BANP: variants seen among roughly 807,000 people sequenced by gnomAD.
The protein encoded by BANP is protein BANP.
In BANP, 11 loss-of-function variants were observed where a neutral mutation model predicts 68.1. That is an observed-to-expected ratio of 0.16 (90% CI 0.10 to 0.27). BANP has a LOEUF of 0.27. BANP is among the 10% of genes least tolerant of loss of function. BANP has a pLI of 1.00. For synonymous variants in BANP, 329 were observed against 303.2 expected (o/e 1.09, Z -0.88); for missense variants, 504 against 722.7 (o/e 0.70, Z 3.47).
At chr16:87,953,578 A>T (rs114251137) in intron 1 of BANP, among the ~76,000 whole-genome samples, 1 of 151,802 alleles carries the variant, frequency 6.6e-6, no homozygotes, top group African/African-American at 2.4e-5. Context: ...TCATATCCCA[A>T]CTCTTCTATC....
At chr16:87,968,141 T>G (rs1481857923) in intron 1 of BANP, among the ~76,000 whole-genome samples, 1 of 152,000 alleles carries the variant, frequency 6.6e-6, no homozygotes, top group Non-Finnish European at 1.5e-5. Flanking sequence ...AATGCACCAA[T>G]GCCAAGGTTG....
In BANP at chr16:88,039,423, C is replaced by T. The variant is rs62046862; in HGVS notation, c.1311+1412C>T. On this transcript the variant is annotated intron_variant, in intron 11 of 13. Transcript: ENST00000682872. ...GGGCTCATAGCTGGCGGTCCGTCTT[C>T]GTTTTCTGCAACATAGTGGTTTATG... Among the ~76,000 whole-genome samples the T allele has an allele frequency of 2.9e-5, 4 of 136,746 alleles. 1 individual carries two copies. The highest frequency in any genetic ancestry group is 4.1e-4 in the East Asian group (2 of 4,908). The allele number at this position is 136,746 out of a possible 152,430, so 89.7% of individuals were successfully genotyped here. A position where few individuals can be genotyped will look rare whatever the true frequency, so the allele number is the denominator to read the frequency against.
intron 11 of BANP, among the ~76,000 whole-genome samples, chr16:88,054,978 C>G (rs1360780633): frequency 6.6e-6 from 1 of 152,112 alleles, no homozygotes; most frequent in Non-Finnish European, 1.5e-5. Flanking sequence ...AGTTCTTTCA[C>G]TATATTTGGA....
intron 4 of BANP, among the ~76,000 whole-genome samples, chr16:87,985,987 C>T (rs1407775056): frequency 6.6e-6 from 1 of 152,170 alleles, no homozygotes; most frequent in Non-Finnish European, 1.5e-5. Flanking sequence ...ATGTTTTCCA[C>T]TCATGAAGCT....
chr16:87,989,124 C>T (rs564552780), intron 4 of BANP, among the ~76,000 whole-genome samples: 1 of 152,166 alleles, frequency 6.6e-6, no homozygotes, highest in East Asian at 1.9e-4. Flanking sequence ...AAAAGAAAGC[C>T]CCTCTTATTT....
intron 6 of BANP, among the ~76,000 whole-genome samples, chr16:88,006,947 C>CAA (rs11349895): frequency 3.1e-3 from 253 of 81,288 alleles, no homozygotes; most frequent in African/African-American, 4.7e-3. Flanking sequence ...GACTCTGTCT[C>CAA]AAAAAAAAAA....
intron 9 of BANP, 175 bp from the exon 10 acceptor site, chr16:88,035,148 T>G: frequency 1.5e-6 from 1 of 664,234 alleles, no homozygotes. Context: ...GGGACTACTG[T>G]GAACCAAAAG....
intron 12 of BANP, among the ~76,000 whole-genome samples, chr16:88,069,733 C>T (rs147489130): frequency 1.2e-3 from 189 of 152,362 alleles, no homozygotes; most frequent in African/African-American, 4.0e-3. Context: ...CACTTCACAA[C>T]GCTCTGCTCC....
At chr16:88,010,653 A>G (rs190743000) in intron 6 of BANP, among the ~76,000 whole-genome samples, 2 of 152,380 alleles carry the variant, frequency 1.3e-5, no homozygotes, top group South Asian at 2.1e-4. Flanking sequence ...AGTCCACACA[A>G]TGTTAGCCGT....
chr16:87,951,670 C>CCCCCGGG (rs1192290771), intron 1 of BANP, among the ~76,000 whole-genome samples, 155 bp downstream of exon 1: 2 of 148,394 alleles, frequency 1.3e-5, no homozygotes, highest in Non-Finnish European at 3.0e-5. Context: ...GGGCGATCGC[C>CCCCCGGG]CCCCGGGCCC....
chr16:88,033,253 C>A lies in BANP; in HGVS notation c.1200+8C>A. On this transcript the variant is annotated splice_region_variant and intron_variant, in intron 9 of 13. Transcript: ENST00000682872. ...GACGGACAGGTGCAAGTAGTACGTA[C>A]CCTCTCCACCTCACACCTTGGGAAA... The A allele has an allele frequency of 6.4e-7, 1 of 1,572,106 alleles. No individual in the cohort carries two copies. Among genetic ancestry groups the A allele is most frequent in the South Asian group, 1.2e-5 (1 of 86,402 alleles).
chr16:88,054,376 A>G (rs1412976489), intron 11 of BANP, among the ~76,000 whole-genome samples: 1 of 148,158 alleles, frequency 6.7e-6, no homozygotes, highest in Non-Finnish European at 1.5e-5. Context: ...CACTACCACC[A>G]CCACCTCTAC....
intron 4 of BANP, among the ~76,000 whole-genome samples, chr16:87,992,713 G>C (rs1041643633): frequency 3.3e-5 from 5 of 151,316 alleles, no homozygotes; most frequent in African/African-American, 1.2e-4. Flanking sequence ...AGAATCACTT[G>C]AACCTAGGAG....
At chr16:88,021,506 G>C (rs975819090) in intron 7 of BANP, among the ~76,000 whole-genome samples, 1 of 152,160 alleles carries the variant, frequency 6.6e-6, no homozygotes, top group Non-Finnish European at 1.5e-5. Context: ...CAACTGCTGC[G>C]TATGGACCAG....
intron 2 of BANP, among the ~76,000 whole-genome samples, chr16:87,976,656 A>G (rs1305497701): frequency 2.0e-5 from 3 of 152,136 alleles, no homozygotes; most frequent in Non-Finnish European, 4.4e-5. Context: ...GAAATCTCCT[A>G]AGAAAGTCTG....
intron 12 of BANP, among the ~76,000 whole-genome samples, chr16:88,067,335 G>A (rs2088962521): frequency 3.9e-5 from 6 of 152,074 alleles, no homozygotes; most frequent in African/African-American, 1.4e-4. Context: ...CAGGTGTCTC[G>A]CCCCATGCCC....
intron 10 of BANP, chr16:88,037,691 A>G: frequency 4.4e-6 from 2 of 457,584 alleles, no homozygotes; most frequent in South Asian, 4.9e-5. Flanking sequence ...CTTTCAAAAT[A>G]AAAAATGAAG....
Position 88,037,861 on chromosome 16 carries a change from G to A in BANP, c.1273-112G>A, listed in dbSNP as rs2079748404. The A allele has an allele frequency of 4.6e-6, 5 of 1,085,962 alleles. No homozygotes were observed. The Admixed American group carries it at 5.3e-5, about 12-fold the overall frequency. The allele number at this position is 1,085,962 out of a possible 1,614,324, so 67.3% of individuals were successfully genotyped here. A position where few individuals can be genotyped will look rare whatever the true frequency, so the allele number is the denominator to read the frequency against. ...GAGGTTGAATTTTTGCAGAACTGGGGTTTTCTTGTTATTCTCAAGTGGCCT... is the reference window on the plus strand; with the variant it reads ...GAGGTTGAATTTTTGCAGAACTGGGATTTTCTTGTTATTCTCAAGTGGCCT... On this transcript the variant is annotated intron_variant, in intron 10 of 13. Coordinates refer to ENST00000682872, the MANE Select transcript of BANP (RefSeq NM_001386991.1).
chr16:88,004,286 G>C lies in BANP; in HGVS notation c.363-9G>C, dbSNP rs781676178. ...CCTTCTTTTTCTTTGTGATTCTTTTGTTCCCTAGCGTCGTCCCCCAGACTA... is the reference window on the plus strand; with the variant it reads ...CCTTCTTTTTCTTTGTGATTCTTTTCTTCCCTAGCGTCGTCCCCCAGACTA... On this transcript the variant is annotated splice_polypyrimidine_tract_variant and intron_variant, in intron 4 of 13. Coordinates refer to ENST00000682872, the MANE Select transcript of BANP (RefSeq NM_001386991.1). The surrounding 1 kb of genome is among the most constrained non-coding windows in gnomAD (Gnocchi z 7.0). 14 of 1,478,152 alleles carry C rather than the reference G, an allele frequency of 9.5e-6. No individual in the cohort carries two copies. The highest frequency in any genetic ancestry group is 1.3e-5 in the Non-Finnish European group (14 of 1,081,356). The allele number at this position is 1,478,152 out of a possible 1,614,324, so 91.6% of individuals were successfully genotyped here.
Sources: allele counts gnomAD v4.1 joint callset (sites outside exome capture counted in the v4.1 genomes callset), GRCh38; gene constraint gnomAD v4.1.1; non-coding constraint Gnocchi (gnomAD v3.1); transcripts MANE v1.5; gene names NCBI Gene and HGNC (gene_info 2026-07-23, HGNC 2026-07-21).